Variants in MYO10 observed in about 807,000 individuals in gnomAD.
MYO10 encodes myosin X.
MYO10 carries 133 observed loss-of-function variants against 257.3 expected under a neutral mutation model. That is an observed-to-expected ratio of 0.52 (90% CI 0.45 to 0.60). The LOEUF is 0.60. Among genes scored for constraint, MYO10 ranks in the 20% least tolerant of loss-of-function variants. MYO10 has a pLI of 0.00. For missense variants in MYO10, 2,399 were observed against 2,635.7 expected, an observed-to-expected ratio of 0.91 and a Z score of 1.97; for synonymous variants, 1,104 against 1,028.6, an observed-to-expected ratio of 1.07 and a Z score of -1.40.
intron 3 of MYO10, among the ~76,000 whole-genome samples, chr5:16,813,335 C>T (rs1351756490): frequency 6.6e-6 from 1 of 151,828 alleles, no homozygotes; most frequent in African/African-American, 2.4e-5. Context: ...GCCTGTGCAA[C>T]ATAGCAATGT....
At chr5:16,767,325 C>T (rs2126655303) in intron 10 of MYO10, among the ~76,000 whole-genome samples, 1 of 152,046 alleles carries the variant, frequency 6.6e-6, no homozygotes, top group Non-Finnish European at 1.5e-5. Flanking sequence ...TGCCCGCCAC[C>T]AAGCCCGGCT....
chr5:16,919,875 G>A lies in MYO10; in HGVS notation c.21+15913C>T, dbSNP rs253386. ...CACCTGTAATCCCAGCACTTTGGGTGGCTAAGGTGGGTGGATCACGAGGTC... is the reference window on the plus strand; with the variant it reads ...CACCTGTAATCCCAGCACTTTGGGTAGCTAAGGTGGGTGGATCACGAGGTC... On this transcript the variant is annotated intron_variant, in intron 1 of 40. Transcript: ENST00000513610. Among the ~76,000 whole-genome samples the A allele has an allele frequency of 6.2e-3, 943 of 152,244 alleles. 6 individuals are homozygous for A. Among genetic ancestry groups the A allele is most frequent in the African/African-American group, 0.022 (905 of 41,538 alleles).
intron 1 of MYO10, among the ~76,000 whole-genome samples, chr5:16,932,968 C>A (rs933328891): frequency 2.0e-5 from 3 of 152,198 alleles, no homozygotes; most frequent in African/African-American, 7.2e-5. Flanking sequence ...CATGTTGCCC[C>A]GGCTGGTCTT....
At position 16,674,601 on chromosome 5, in the gene MYO10, T is replaced by C. The variant is rs545256344; in HGVS notation, c.4964+252A>G. On this transcript the variant is annotated intron_variant, in intron 35 of 40. Transcript: ENST00000513610. ...TTTTTAAATATAGAGCAGTGGTAAT[T>C]AATTGATCCAATGTCCTATACATTA... Among the ~76,000 whole-genome samples, 46 of 150,880 alleles carry C rather than the reference T, an allele frequency of 3.0e-4. 1 individual carries two copies. In the South Asian group the frequency reaches 8.4e-3, roughly 27 times the overall value.
intron 19 of MYO10, chr5:16,713,615 G>T: frequency 1.7e-6 from 1 of 574,408 alleles, no homozygotes; most frequent in Non-Finnish European, 2.2e-6. Context: ...TTGTGTCCCT[G>T]CCCCTTCCCA....
rs562611928 is a variant in MYO10 at position 16,933,729 on chromosome 5, T to C, written c.21+2059A>G. On this transcript the variant is annotated intron_variant, in intron 1 of 40. Transcript: ENST00000513610. ...AGAGAGAAAGGGGAGCTGGGATCTA[T>C]GTTAAGAGTATGTCTACAATTAATA... Among the ~76,000 whole-genome samples the C allele has an allele frequency of 2.0e-5, 3 of 152,358 alleles. No homozygotes were observed. In the East Asian group the frequency reaches 5.8e-4, roughly 29 times the overall value.
chr5:16,792,864 C>T (rs1016021040), intron 4 of MYO10, among the ~76,000 whole-genome samples: 1 of 150,606 alleles, frequency 6.6e-6, no homozygotes, highest in Non-Finnish European at 1.5e-5. Context: ...TTTTTAGTGT[C>T]CCCCCCTCCC....
chr5:16,784,094 A>T (rs968518827), intron 4 of MYO10, among the ~76,000 whole-genome samples: 4 of 152,212 alleles, frequency 2.6e-5, no homozygotes, highest in African/African-American at 9.6e-5. Context: ...ACAAGTGAAC[A>T]AAAAATCCAG....
rs192556357 is a variant in MYO10, at chr5:16,780,670, A to G, written c.741+58T>C. The stretch of plus-strand genomic sequence containing the variant: ...TCCTGTGCTTAATTCACACAAACCA[A>G]TAATTTCTGAAAATTGTTATTATGG... On this transcript the variant is annotated intron_variant, in intron 7 of 40. Transcript: ENST00000513610. 5.8e-5 allele frequency: 90 copies of G among 1,547,596 alleles called. No individual in the cohort carries two copies. In the African/African-American group the frequency reaches 9.5e-4, roughly 16 times the overall value.
chr5:16,668,891 G>C (rs575164245), intron 39 of MYO10, among the ~76,000 whole-genome samples: 2 of 152,270 alleles, frequency 1.3e-5, no homozygotes, highest in South Asian at 2.1e-4. Flanking sequence ...CGGATGGTTA[G>C]TCTTCAAATA....
intron 1 of MYO10, among the ~76,000 whole-genome samples, chr5:16,924,630 A>G (rs1304748228): frequency 6.6e-6 from 1 of 152,192 alleles, no homozygotes; most frequent in Non-Finnish European, 1.5e-5. Context: ...AAATTGTCAT[A>G]TAATTGATGA....
At position 16,777,645 on chromosome 5, in the gene MYO10, A is replaced by G. The variant is rs989460568; in HGVS notation, c.930+1900T>C. On this transcript the variant is annotated intron_variant, in intron 9 of 40. Coordinates refer to ENST00000513610, the MANE Select transcript of MYO10 (RefSeq NM_012334.3). ...ATATGGGCTGCACCAGGTACTGGGT[A>G]AGGTTAGGCTGGTCACTAACTTCTC... Among the ~76,000 whole-genome samples, 5 of 152,038 alleles carry G rather than the reference A, an allele frequency of 3.3e-5. 1 individual carries two copies. Among genetic ancestry groups the G allele is most frequent in the Admixed American group, 2.6e-4 (4 of 15,264 alleles).
intron 1 of MYO10, among the ~76,000 whole-genome samples, chr5:16,905,151 C>T (rs1400611026): frequency 6.6e-6 from 1 of 152,152 alleles, no homozygotes; most frequent in African/African-American, 2.4e-5. Flanking sequence ...CACGCTGCAT[C>T]CCTTGTTCTA....
At chr5:16,768,125 C>T (rs919386770) in intron 10 of MYO10, among the ~76,000 whole-genome samples, 5 of 152,110 alleles carry the variant, frequency 3.3e-5, no homozygotes, top group African/African-American at 1.2e-4. Context: ...GTTCTGGTCT[C>T]CTCTAGAACC....
Position 16,701,489 on chromosome 5 carries a change from C to T in MYO10, c.2906G>A (p.Ser969Asn). The T allele has an allele frequency of 6.2e-7, 1 of 1,613,898 alleles. No homozygotes were observed. Among genetic ancestry groups the T allele is most frequent in the Non-Finnish European group, 8.5e-7 (1 of 1,179,884 alleles). The change falls in exon 25 of 41, where the codon AGC becomes AAC. Residue 969 changes from serine to asparagine, a missense_variant. Around this residue, in one of 3 missense-constraint regions of MYO10, gnomAD observed 1,820 missense variants for 1,939.4 expected, o/e 0.94. Coordinates refer to ENST00000513610, the MANE Select transcript of MYO10 (RefSeq NM_012334.3). This position sits in a 1 kb window ranked among gnomAD's most constrained non-coding sequence, Gnocchi z 8.1. Reference protein sequence around the residue: ...RSLSVGSEFSSELAESACEEK... With the variant: ...RSLSVGSEFSNELAESACEEK... ...CTCGCATGCGCTCTCAGCCAGCTCG[C>T]TGGAAAATTCGCTTCCCACCGACAG...
intron 28 of MYO10, among the ~76,000 whole-genome samples, 173 bp from the exon 29 acceptor site, chr5:16,686,004 A>C (rs1327924087): frequency 6.6e-6 from 1 of 152,226 alleles, no homozygotes; most frequent in Non-Finnish European, 1.5e-5. Flanking sequence ...AAGTGAGAAG[A>C]AGCAGATAAA....
chr5:16,857,679 G>C (rs144906343), intron 2 of MYO10, among the ~76,000 whole-genome samples: 1 of 152,288 alleles, frequency 6.6e-6, no homozygotes, highest in Non-Finnish European at 1.5e-5. Context: ...CTGCCCCACA[G>C]GTAGCAAGAA....
At chr5:16,842,031 G>A (rs1302248401) in intron 2 of MYO10, among the ~76,000 whole-genome samples, 1 of 151,218 alleles carries the variant, frequency 6.6e-6, no homozygotes, top group Non-Finnish European at 1.5e-5. Context: ...TGGGGGTGGG[G>A]GCAGTTCCAC....
At chr5:16,920,420 A>T (rs1745949450) in intron 1 of MYO10, among the ~76,000 whole-genome samples, 1 of 152,266 alleles carries the variant, frequency 6.6e-6, no homozygotes, top group Admixed American at 6.5e-5. Flanking sequence ...GTCTCAAAAG[A>T]ATATGTACTG....
Sources: gnomAD v4.1 joint callset for allele counts (sites outside exome capture counted in the v4.1 genomes callset) on GRCh38, gnomAD v4.1.1 for gene constraint, gnomAD v4.1.1 regional missense constraint, Gnocchi (gnomAD v3.1) non-coding constraint, MANE v1.5 for transcripts, NCBI Gene and HGNC (gene_info 2026-07-23, HGNC 2026-07-21) for gene names.